Variants in FGD3 observed in about 807,000 individuals in gnomAD.
FGD3 encodes FYVE, RhoGEF and PH domain containing 3, also known as FYVE, RhoGEF and PH domain-containing protein 3.
FGD3 carries 45 observed loss-of-function variants against 71.8 expected under a neutral mutation model. That is an observed-to-expected ratio of 0.63 (90% CI 0.49 to 0.80). The LOEUF (loss-of-function observed/expected upper bound fraction) is 0.80. Among genes scored for constraint, FGD3 ranks in the 30% least tolerant of loss-of-function variants. The pLI is 0.00. For synonymous variants in FGD3, 378 were observed against 392.8 expected (o/e 0.96, Z 0.44); for missense variants, 844 against 951.5 (o/e 0.89, Z 1.49).
At chr9:92,982,990 G>A (rs1860053156) in intron 3 of FGD3, among the ~76,000 whole-genome samples, 1 of 152,090 alleles carries the variant, frequency 6.6e-6, no homozygotes, top group Admixed American at 6.6e-5. Flanking sequence ...GGAGGCTGAG[G>A]CAGGAGAATT....
chr9:93,014,375 C>A (rs190002414), intron 9 of FGD3, among the ~76,000 whole-genome samples: 1 of 152,146 alleles, frequency 6.6e-6, no homozygotes, highest in East Asian at 1.9e-4. Context: ...AAACCCTGGC[C>A]GGGAGGGAGG....
intron 10 of FGD3, among the ~76,000 whole-genome samples, chr9:93,016,927 G>A (rs1299130031): frequency 2.6e-5 from 4 of 152,188 alleles, no homozygotes; most frequent in Admixed American, 1.3e-4. Flanking sequence ...AGCCATGACC[G>A]ATTTTTTGTA....
At chr9:92,996,470 G>A (rs548764244) in intron 3 of FGD3, among the ~76,000 whole-genome samples, 3 of 151,870 alleles carry the variant, frequency 2.0e-5, no homozygotes. Flanking sequence ...TTGTGTCTCT[G>A]TCTCCTTCAG....
At chr9:93,022,412 T>A (rs1199852332) in intron 14 of FGD3, 23 bp downstream of exon 14, 1 of 1,608,918 alleles carries the variant, frequency 6.2e-7, no homozygotes, top group East Asian at 2.2e-5. Context: ...TGCTCAGCGG[T>A]CAGCAGGGGT....
At chr9:93,009,581 T>G (rs1297713630) in intron 6 of FGD3, among the ~76,000 whole-genome samples, 1 of 151,984 alleles carries the variant, frequency 6.6e-6, no homozygotes, top group Non-Finnish European at 1.5e-5. Context: ...AGGACCCGAT[T>G]GGGGAGCACA....
At chr9:92,973,719 A>G (rs958369244) in intron 1 of FGD3, among the ~76,000 whole-genome samples, 11 of 152,090 alleles carry the variant, frequency 7.2e-5, no homozygotes, top group Admixed American at 7.2e-4. Context: ...GCCCTGTGAA[A>G]GCTCCCTGTG....
At position 93,010,260 on chromosome 9, in the gene FGD3, C is replaced by T. The variant is rs763138732; in HGVS notation, c.852C>T (p.Cys284=). 103 of 1,609,660 alleles carry T rather than the reference C, an allele frequency of 6.4e-5. No individual in the cohort carries two copies. Among genetic ancestry groups the T allele is most frequent in the Non-Finnish European group, 7.7e-5 (91 of 1,176,878 alleles). ...TGTCCCCACAGAAGCAGGAGGTATG[C>T]GGGAACCTGACGCTGCAGCACCACA... ...VVHSIQKQEV[C]GNLTLQHHML... is the part of the protein sequence containing the mutation. Residue 284 remains cysteine, a synonymous_variant, in exon 7 of 18, where the codon TGC becomes TGT. Coordinates refer to ENST00000375482, the MANE Select transcript of FGD3 (RefSeq NM_001083536.2).
At chr9:93,024,348 G>T (rs1862042142) in intron 14 of FGD3, among the ~76,000 whole-genome samples, 2 of 152,220 alleles carry the variant, frequency 1.3e-5, no homozygotes, top group African/African-American at 4.8e-5. Context: ...CAGCCCCACT[G>T]CCTGGAATCC....
chr9:93,012,473 TG>T (rs1861451352), intron 8 of FGD3, among the ~76,000 whole-genome samples: 2 of 152,092 alleles, frequency 1.3e-5, no homozygotes, highest in African/African-American at 4.8e-5. Context: ...CCTGAGCCCA[TG>T]GCAACTTTGT....
At position 92,968,282 on chromosome 9, in the gene FGD3, G is replaced by A. The variant is rs139617019; in HGVS notation, c.-217-6956G>A. ...AGTAGAAGTAACTTGTTAAGGTGGC[G>A]GTGTGAGCCATATTTGTGAGTGTCT... On this transcript the variant is annotated intron_variant, in intron 1 of 17. Coordinates refer to ENST00000375482, the MANE Select transcript of FGD3 (RefSeq NM_001083536.2). 9.2e-5 allele frequency among the ~76,000 whole-genome samples: 14 copies of A among 152,258 alleles called. No homozygotes were observed. The East Asian group carries it at 1.5e-3, about 17-fold the overall frequency.
intron 10 of FGD3, among the ~76,000 whole-genome samples, chr9:93,016,457 C>G (rs1161455012): frequency 6.6e-6 from 1 of 151,362 alleles, no homozygotes; most frequent in Non-Finnish European, 1.5e-5. Flanking sequence ...CCTGCCTCAC[C>G]CTCCTGTGTA....
At chr9:93,025,996 G>A (rs1357093315) in intron 14 of FGD3, among the ~76,000 whole-genome samples, 2 of 152,244 alleles carry the variant, frequency 1.3e-5, no homozygotes, top group Non-Finnish European at 1.5e-5. Context: ...GGCAGTGCCT[G>A]CGCCTCACAG....
chr9:93,014,871 AC>A (rs1227255101), intron 9 of FGD3, among the ~76,000 whole-genome samples: 18 of 151,948 alleles, frequency 1.2e-4, no homozygotes, highest in African/African-American at 4.1e-4. Context: ...CGAGCTCCTG[AC>A]CTCAGGTGAT....
intron 8 of FGD3, among the ~76,000 whole-genome samples, chr9:93,011,774 T>C (rs1861399550): frequency 6.6e-6 from 1 of 151,674 alleles, no homozygotes; most frequent in Non-Finnish European, 1.5e-5. Context: ...AAGAATCGCT[T>C]GAACCTAGGA....
Position 93,003,878 on chromosome 9 carries a change from T to C in FGD3, c.544-123T>C. The C allele has an allele frequency of 8.4e-7, 1 of 1,187,762 alleles. No homozygotes were observed. The highest frequency in any genetic ancestry group is 1.2e-6 in the Non-Finnish European group (1 of 835,932). 73.6% of individuals were successfully genotyped at this position (1,187,762 alleles called of 1,614,324 possible). A position where few individuals can be genotyped will look rare whatever the true frequency, so the allele number is the denominator to read the frequency against. On this transcript the variant is annotated intron_variant, in intron 4 of 17. Transcript: ENST00000375482. The surrounding 1 kb of genome is among the most constrained non-coding windows in gnomAD (Gnocchi z 4.1). ...GGAGGACAATAATTCTGAAATTCAT[T>C]AAGAAAACACAAGGTGGCAGCAGCG...
At chr9:93,004,745 G>A (rs1028634024) in intron 5 of FGD3, among the ~76,000 whole-genome samples, 1 of 152,162 alleles carries the variant, frequency 6.6e-6, no homozygotes, top group South Asian at 2.1e-4. Context: ...GCCCTTCGCA[G>A]GCCCGGCTTC....
At chr9:93,022,261 C>A in intron 13 of FGD3, 66 bp from the exon 14 acceptor site, 1 of 1,503,278 alleles carries the variant, frequency 6.7e-7, no homozygotes, top group Non-Finnish European at 9.1e-7. Context: ...AGGAACTGTC[C>A]CCCCGCTGCA....
intron 16 of FGD3, 158 bp from the exon 17 acceptor site, chr9:93,034,383 A>C (rs2118850184): frequency 1.0e-6 from 1 of 971,684 alleles, no homozygotes; most frequent in Non-Finnish European, 1.5e-6. Flanking sequence ...GACCCTTGCA[A>C]GCCGGGTGAG....
chr9:92,971,247 G>A (rs919153656), intron 1 of FGD3, among the ~76,000 whole-genome samples: 7 of 152,136 alleles, frequency 4.6e-5, no homozygotes, highest in Admixed American at 1.3e-4. Flanking sequence ...AGTTGCAAAC[G>A]CAAAGCTGGA....
Sources: gnomAD v4.1 joint callset for allele counts (sites outside exome capture counted in the v4.1 genomes callset) on GRCh38, gnomAD v4.1.1 for gene constraint, Gnocchi (gnomAD v3.1) non-coding constraint, MANE v1.5 for transcripts, NCBI Gene and HGNC (gene_info 2026-07-23, HGNC 2026-07-21) for gene names.